ITPR1: variants seen among roughly 807,000 people sequenced by gnomAD.
ITPR1 encodes the protein inositol 1,4,5-trisphosphate receptor type 1.
Under a neutral mutation model 318.4 loss-of-function variants are expected in ITPR1, and 96 were observed. The ratio of observed to expected loss-of-function variants is 0.30; its 90% CI spans 0.26 to 0.36. The LOEUF is 0.36. Among genes scored for constraint, ITPR1 ranks in the 10% least tolerant of loss-of-function variants. ITPR1 has a pLI of 1.00. For synonymous variants in ITPR1, 1,312 were observed against 1,289.9 expected, an observed-to-expected ratio of 1.02 and a Z score of -0.37; for missense variants, 2,440 against 3,460.2, an observed-to-expected ratio of 0.71 and a Z score of 7.40.
At chr3:4,514,796 T>C (rs2082068612) in intron 2 of ITPR1, among the ~76,000 whole-genome samples, 1 of 152,242 alleles carries the variant, frequency 6.6e-6, no homozygotes, top group African/African-American at 2.4e-5. Context: ...AGCTTTATAA[T>C]ATAAGCGCAG....
intron 60 of ITPR1, among the ~76,000 whole-genome samples, chr3:4,828,738 G>C (rs766759308): frequency 6.6e-6 from 1 of 152,150 alleles, no homozygotes; most frequent in African/African-American, 2.4e-5. Context: ...TCTTTGTTGC[G>C]CTGTATCATC....
At chr3:4,795,032 C>T (rs1426262215) in intron 52 of ITPR1, 33 bp from the exon 53 acceptor site, 2 of 1,573,046 alleles carry the variant, frequency 1.3e-6, no homozygotes, top group African/African-American at 1.4e-5. Context: ...TTGGGGTCTC[C>T]AGCCTCACGC....
At chr3:4,651,993 G>T (rs1017710252) in intron 10 of ITPR1, 130 bp from the exon 11 acceptor site, 33 of 733,820 alleles carry the variant, frequency 4.5e-5, no homozygotes, top group Admixed American at 1.3e-4. Flanking sequence ...CAATGGGTTT[G>T]TTGAAGATGC....
At chr3:4,688,414 G>A (rs1282775942) in intron 30 of ITPR1, 81 bp from the exon 31 acceptor site, 29 of 1,552,110 alleles carry the variant, frequency 1.9e-5, no homozygotes, top group East Asian at 1.4e-4. Context: ...TGACTCCCAC[G>A]TTAGCAGGAG....
intron 51 of ITPR1, among the ~76,000 whole-genome samples, chr3:4,786,755 C>T (rs1451441419): frequency 6.6e-6 from 1 of 152,160 alleles, no homozygotes; most frequent in Admixed American, 6.5e-5. Context: ...GCAAGGTGTC[C>T]ACCCCTGGGG....
chr3:4,519,484 C>CA (rs1385143828), intron 3 of ITPR1, among the ~76,000 whole-genome samples: 1 of 152,204 alleles, frequency 6.6e-6, no homozygotes, highest in Non-Finnish European at 1.5e-5. Flanking sequence ...CTCGGCCTCC[C>CA]AAAGTGCTGG....
chr3:4,535,035 T>C (rs190819246), intron 4 of ITPR1, among the ~76,000 whole-genome samples: 1 of 152,242 alleles, frequency 6.6e-6, no homozygotes, highest in Admixed American at 6.5e-5. Context: ...ATCGGTTTTC[T>C]AAAATTAGTG....
chr3:4,661,366 C>G (rs2125190288), intron 14 of ITPR1, among the ~76,000 whole-genome samples: 1 of 152,296 alleles, frequency 6.6e-6, no homozygotes, highest in Admixed American at 6.5e-5. Flanking sequence ...TCATGACTGT[C>G]TGAAGGATAA....
intron 51 of ITPR1, among the ~76,000 whole-genome samples, chr3:4,784,809 A>G (rs568515435): frequency 6.6e-6 from 1 of 151,950 alleles, no homozygotes; most frequent in East Asian, 1.9e-4. Context: ...AGGCACAAGA[A>G]TGGCTTGAGC....
intron 17 of ITPR1, 37 bp downstream of exon 17, chr3:4,665,333 T>G (rs1424299010): frequency 6.3e-7 from 1 of 1,577,044 alleles, no homozygotes. Flanking sequence ...GGTTGTCAGT[T>G]TCCTCCCTGA....
intron 4 of ITPR1, among the ~76,000 whole-genome samples, chr3:4,610,018 A>T (rs115217347): frequency 1.3e-3 from 205 of 152,258 alleles, no homozygotes; most frequent in Non-Finnish European, 2.4e-3. Flanking sequence ...TTTCCATTCT[A>T]CATGGTGGGC....
chr3:4,507,032 C>T (rs983380459), intron 2 of ITPR1, among the ~76,000 whole-genome samples: 2 of 150,862 alleles, frequency 1.3e-5, no homozygotes, highest in South Asian at 2.1e-4. Flanking sequence ...TACACATTAA[C>T]GTATTGACAT....
intron 4 of ITPR1, among the ~76,000 whole-genome samples, chr3:4,623,168 T>C (rs374110504): frequency 3.9e-5 from 6 of 152,296 alleles, no homozygotes; most frequent in East Asian, 1.9e-4. Context: ...AAGTCCTGAT[T>C]TGATAGTCAA....
chr3:4,570,117 GA>G (rs928335705), intron 4 of ITPR1, among the ~76,000 whole-genome samples: 26 of 151,930 alleles, frequency 1.7e-4, no homozygotes, highest in African/African-American at 5.8e-4. Flanking sequence ...TATAGTTGCC[GA>G]AAAAAAATGA....
chr3:4,819,254 G>T (rs1178822155), intron 60 of ITPR1, among the ~76,000 whole-genome samples: 1 of 152,174 alleles, frequency 6.6e-6, no homozygotes, highest in African/African-American at 2.4e-5. Context: ...TGAATACCCC[G>T]ATTACAGAGG....
At chr3:4,613,645 C>G (rs1269463573) in intron 4 of ITPR1, among the ~76,000 whole-genome samples, 4 of 152,108 alleles carry the variant, frequency 2.6e-5, no homozygotes, top group Non-Finnish European at 4.4e-5. Flanking sequence ...CCTCCAAACC[C>G]TGACAAAACA....
intron 61 of ITPR1, among the ~76,000 whole-genome samples, chr3:4,843,491 A>G (rs1421691249): frequency 6.6e-6 from 1 of 152,230 alleles, no homozygotes; most frequent in Non-Finnish European, 1.5e-5. Flanking sequence ...GGAAATCGTT[A>G]GAAAAGCAGA....
chr3:4,732,155 C>T (rs2042970544), intron 42 of ITPR1, among the ~76,000 whole-genome samples: 1 of 152,064 alleles, frequency 6.6e-6, no homozygotes, highest in African/African-American at 2.4e-5. Context: ...GAATGCAGAA[C>T]GCATGCTGCC....
At chr3:4,565,687 CT>C (rs1559457717) in intron 4 of ITPR1, among the ~76,000 whole-genome samples, 1 of 152,112 alleles carries the variant, frequency 6.6e-6, no homozygotes, top group South Asian at 2.1e-4. Flanking sequence ...TACTAATTCT[CT>C]TTTGAACTAG....
Sources: gnomAD v4.1 joint callset for allele counts (sites outside exome capture counted in the v4.1 genomes callset) on GRCh38, gnomAD v4.1.1 for gene constraint, MANE v1.5 for transcripts, NCBI Gene and HGNC (gene_info 2026-07-23, HGNC 2026-07-21) for gene names.